Variants in CNTN4 observed in about 807,000 individuals in gnomAD.
CNTN4 encodes the protein contactin 4, also known as contactin-4.
CNTN4 carries 77 observed loss-of-function variants against 122.5 expected under a neutral mutation model. The ratio of observed to expected loss-of-function variants is 0.63; its 90% confidence interval spans 0.52 to 0.76. The LOEUF (loss-of-function observed/expected upper bound fraction) is 0.76. Ranked by LOEUF, CNTN4 falls within the 30% of genes least tolerant of loss-of-function variation. The probability of loss-of-function intolerance (pLI) is 0.00; values close to 1 mark genes in which losing one functional copy is unlikely to be tolerated. For synonymous variants in CNTN4, 512 were observed against 447.0 expected (o/e 1.15, Z -1.83); for missense variants, 1,256 against 1,259.1 (o/e 1.00, Z 0.04).
At chr3:2,470,637 C>G (rs2075653916) in intron 3 of CNTN4, among the ~76,000 whole-genome samples, 1 of 152,160 alleles carries the variant, frequency 6.6e-6, no homozygotes. Context: ...CTTACACCCC[C>G]ACAATGTATT....
intron 10 of CNTN4, among the ~76,000 whole-genome samples, chr3:2,898,319 C>T (rs976392602): frequency 1.3e-5 from 2 of 152,100 alleles, no homozygotes; most frequent in African/African-American, 4.8e-5. Flanking sequence ...ATTAATTTTA[C>T]TTTAAAAATA....
At chr3:2,405,806 C>G (rs1322365963) in intron 3 of CNTN4, among the ~76,000 whole-genome samples, 2 of 152,010 alleles carry the variant, frequency 1.3e-5, no homozygotes, top group African/African-American at 2.4e-5. Flanking sequence ...GTGAATCACT[C>G]GAGCTTGAGA....
intron 3 of CNTN4, among the ~76,000 whole-genome samples, chr3:2,436,055 G>C (rs1441033948): frequency 6.6e-6 from 1 of 152,164 alleles, no homozygotes; most frequent in Admixed American, 6.6e-5. Context: ...AATTGAATTA[G>C]TTTGAGTTGA....
chr3:2,274,774 T>C (rs1242339639), intron 2 of CNTN4, among the ~76,000 whole-genome samples: 2 of 152,190 alleles, frequency 1.3e-5, no homozygotes, highest in Non-Finnish European at 2.9e-5. Flanking sequence ...TACTGAAGTT[T>C]ACTGTCAAGC....
At chr3:2,349,362 T>C (rs2044522370) in intron 3 of CNTN4, among the ~76,000 whole-genome samples, 1 of 152,158 alleles carries the variant, frequency 6.6e-6, no homozygotes, top group Non-Finnish European at 1.5e-5. Flanking sequence ...CTCTTCAAAA[T>C]TGCAAAACAG....
At chr3:2,812,877 A>G (rs1232368900) in intron 6 of CNTN4, among the ~76,000 whole-genome samples, 1 of 152,206 alleles carries the variant, frequency 6.6e-6, no homozygotes, top group Non-Finnish European at 1.5e-5. Context: ...AGAAAGTAAG[A>G]GTGCTAAGTT....
chr3:2,207,779 A>T (rs893140066), intron 2 of CNTN4, among the ~76,000 whole-genome samples: 2 of 151,914 alleles, frequency 1.3e-5, no homozygotes, highest in Non-Finnish European at 2.9e-5. Flanking sequence ...GCATCCTTCT[A>T]TTGGAAGAAA....
At chr3:2,886,910 A>ATAGAG (rs1269081197) in intron 9 of CNTN4, 130 bp from the exon 10 acceptor site, 2 of 686,866 alleles carry the variant, frequency 2.9e-6, no homozygotes, top group African/African-American at 3.6e-5. Flanking sequence ...TATAATGGAG[A>ATAGAG]TAGAGGAATG....
intron 3 of CNTN4, among the ~76,000 whole-genome samples, chr3:2,367,635 C>T (rs1236288927): frequency 6.6e-6 from 1 of 152,110 alleles, no homozygotes; most frequent in East Asian, 1.9e-4. Flanking sequence ...AGGTACATAC[C>T]ACCACACCCG....
intron 4 of CNTN4, among the ~76,000 whole-genome samples, chr3:2,636,530 G>C (rs2082664805): frequency 6.6e-6 from 1 of 152,080 alleles, no homozygotes; most frequent in South Asian, 2.1e-4. Context: ...AAGTGTTTTA[G>C]AAAATAAATA....
At chr3:2,247,939 AC>A (rs1218151010) in intron 2 of CNTN4, among the ~76,000 whole-genome samples, 1 of 151,890 alleles carries the variant, frequency 6.6e-6, no homozygotes, top group African/African-American at 2.4e-5. Flanking sequence ...CCCCTCAGAT[AC>A]CTACATGGCT....
intron 6 of CNTN4, among the ~76,000 whole-genome samples, chr3:2,790,537 G>C (rs1559506717): frequency 6.6e-6 from 1 of 152,168 alleles, no homozygotes; most frequent in Non-Finnish European, 1.5e-5. Context: ...GGGACCCCCA[G>C]CTGACAAGCT....
chr3:2,286,244 C>CCA (rs1484746277), intron 2 of CNTN4, among the ~76,000 whole-genome samples: 4 of 139,288 alleles, frequency 2.9e-5, no homozygotes, highest in Admixed American at 7.5e-5. Flanking sequence ...CTGCCCCCCC[C>CCA]ACAACATACA....
intron 3 of CNTN4, among the ~76,000 whole-genome samples, chr3:2,351,709 A>C (rs1026326697): frequency 6.6e-6 from 1 of 152,094 alleles, no homozygotes; most frequent in Non-Finnish European, 1.5e-5. Context: ...TGACTGCATC[A>C]ACAAACTCCA....
intron 6 of CNTN4, among the ~76,000 whole-genome samples, chr3:2,769,172 A>G (rs2090981356): frequency 6.6e-6 from 1 of 152,114 alleles, no homozygotes; most frequent in East Asian, 1.9e-4. Flanking sequence ...CTACATTATT[A>G]AAATAAGGTG....
At position 2,671,525 on chromosome 3, in the gene CNTN4, A is replaced by G. The variant is rs1014389736; in HGVS notation, c.56-64690A>G. Among the ~76,000 whole-genome samples, 9 of 152,158 alleles carry G rather than the reference A, an allele frequency of 5.9e-5. No individual in the cohort carries two copies. The South Asian group carries it at 6.2e-4, about 11-fold the overall frequency. Reference sequence around the variant, plus strand: ...TTTCAAGGTTTTTAACTTCTTTGCCATGGTTTCAAACTTCCTCCTTTAGCT... The same window carrying G: ...TTTCAAGGTTTTTAACTTCTTTGCCGTGGTTTCAAACTTCCTCCTTTAGCT... On this transcript the variant is annotated intron_variant, in intron 4 of 24. Transcript: ENST00000418658.
At chr3:2,167,898 G>A (rs146917467) in intron 2 of CNTN4, among the ~76,000 whole-genome samples, 152 of 152,214 alleles carry the variant, frequency 1.0e-3, no homozygotes, top group African/African-American at 3.5e-3. Context: ...GCTTATGCCT[G>A]TAATCCCTGA....
At chr3:2,667,779 G>A (rs1366368330) in intron 4 of CNTN4, among the ~76,000 whole-genome samples, 1 of 150,088 alleles carries the variant, frequency 6.7e-6, no homozygotes, top group Non-Finnish European at 1.5e-5. Context: ...TAAGGTGTAA[G>A]GAAGGGATCC....
chr3:2,268,072 G>C (rs2041126791), intron 2 of CNTN4, among the ~76,000 whole-genome samples: 2 of 152,098 alleles, frequency 1.3e-5, no homozygotes, highest in Admixed American at 6.6e-5. Flanking sequence ...TTGACCTGAA[G>C]ATGTTTTACT....
Sources: allele counts gnomAD v4.1 joint callset (sites outside exome capture counted in the v4.1 genomes callset), GRCh38; gene constraint gnomAD v4.1.1; transcripts MANE v1.5; gene names NCBI Gene and HGNC (gene_info 2026-07-23, HGNC 2026-07-21).